Variants in SPTA1 observed in about 807,000 individuals in gnomAD.
The protein encoded by SPTA1 is spectrin alpha, erythrocytic 1, also known as spectrin alpha chain, erythrocytic 1.
A neutral mutation model predicts 324.7 loss-of-function variants in SPTA1; 177 were observed. The observed-to-expected ratio is 0.55, with a 90% CI of 0.48 to 0.62. The LOEUF is 0.62. Among genes scored for constraint, SPTA1 ranks in the 20% least tolerant of loss-of-function variants. The pLI, the probability that SPTA1 is intolerant of heterozygous loss-of-function variation, is 0.00. For synonymous variants in SPTA1, 1,195 were observed against 1,041.3 expected (o/e 1.15, Z -2.84); for missense variants, 3,162 against 2,883.6 (o/e 1.10, Z -2.21).
At chr1:158,681,329 A>G (rs1478289099) in intron 4 of SPTA1, among the ~76,000 whole-genome samples, 198 bp downstream of exon 4, 2 of 152,062 alleles carry the variant, frequency 1.3e-5, no homozygotes, top group Non-Finnish European at 1.5e-5. Flanking sequence ...ATTCAGATCC[A>G]TATGTTAAGA....
intron 18 of SPTA1, among the ~76,000 whole-genome samples, chr1:158,657,902 T>A (rs1652940522): frequency 6.6e-6 from 1 of 152,096 alleles, no homozygotes; most frequent in Non-Finnish European, 1.5e-5. Context: ...ATGCATGTGG[T>A]GGTGAATGGG....
At chr1:158,685,028 A>C (rs1417345950) in intron 2 of SPTA1, 80 bp downstream of exon 2, 3 of 1,551,850 alleles carry the variant, frequency 1.9e-6, no homozygotes, top group Non-Finnish European at 2.7e-6. Context: ...ATACCCATTA[A>C]CATTAACATA....
rs748106330 is a variant in SPTA1, at chr1:158,636,637, C to T, written c.5310+4G>A. The T allele has an allele frequency of 4.3e-6, 7 of 1,613,880 alleles. No individual in the cohort carries two copies. The East Asian group carries it at 1.6e-4, about 36-fold the overall frequency. On this transcript the variant is annotated splice_donor_region_variant and intron_variant, in intron 37 of 51. Coordinates refer to ENST00000643759, the MANE Select transcript of SPTA1 (RefSeq NM_003126.4). ...TATTTTCAGATCTGGTATTCTATTC[C>T]TACCTGGATGGCAGGCTCATGGGCC... is the stretch of plus-strand genomic sequence containing the variant.
intron 44 of SPTA1, 113 bp downstream of exon 44, chr1:158,620,057 T>C: frequency 7.5e-7 from 1 of 1,338,742 alleles, no homozygotes; most frequent in Non-Finnish European, 1.1e-6. Flanking sequence ...ATGACTTCTG[T>C]CCCAGTATAG....
In SPTA1 at chr1:158,671,300, T is replaced by A. The variant is rs1163719023; in HGVS notation, c.1599+43A>T. 2.1e-6 allele frequency: 3 copies of A among 1,428,756 alleles called. No homozygotes were observed. The Admixed American group carries it at 5.1e-5, about 24-fold the overall frequency. 88.5% of individuals were successfully genotyped at this position (1,428,756 alleles called of 1,614,324 possible). A position where few individuals can be genotyped will look rare whatever the true frequency, so the allele number is the denominator to read the frequency against. On this transcript the variant is annotated intron_variant, in intron 12 of 51. Coordinates refer to ENST00000643759, the MANE Select transcript of SPTA1 (RefSeq NM_003126.4). ...GACAGGTATTGTGTAAAATTATGTA[T>A]ACAGAGAGGGAGCCAATGCCCAAAC...
intron 16 of SPTA1, 76 bp downstream of exon 16, chr1:158,666,240 C>T (rs759138749): frequency 1.6e-5 from 23 of 1,439,602 alleles, no homozygotes; most frequent in Non-Finnish European, 2.2e-5. Flanking sequence ...GTAATAATTA[C>T]TTATTACTTA....
intron 25 of SPTA1, among the ~76,000 whole-genome samples, chr1:158,649,107 G>T (rs770522669): frequency 1.2e-4 from 19 of 152,052 alleles, no homozygotes; most frequent in Non-Finnish European, 1.9e-4. Context: ...TTTAGTTTCT[G>T]TTTTGTTTGT....
chr1:158,665,517 T>G (rs1653530650), intron 16 of SPTA1, among the ~76,000 whole-genome samples: 1 of 152,180 alleles, frequency 6.6e-6, no homozygotes, highest in African/African-American at 2.4e-5. Context: ...AGAAATTGAA[T>G]GGGCTGGAAG....
rs766252984 is a variant in SPTA1 at position 158,638,238 on chromosome 1, C to A, written c.4984G>T (p.Ala1662Ser). The A allele has an allele frequency of 4.6e-5, 74 of 1,611,366 alleles. No homozygotes were observed. Among genetic ancestry groups the A allele is most frequent in the Non-Finnish European group, 4.8e-5 (57 of 1,179,832 alleles). Reference protein sequence around the residue: ...LEREMLAREDALKDLNTLAED... With the variant: ...LEREMLAREDSLKDLNTLAED... ...GCCAATGTATTCAGGTCCTTGAGTG[C>A]ATCCTAGAAAGTCTCGGGATACTCA... Residue 1662 changes from alanine to serine, a missense_variant, in exon 36 of 52, where the codon GCA becomes TCA. Ala to Ser is a moderately conservative substitution (Grantham distance 99, BLOSUM62 1). Transcript: ENST00000643759.
At chr1:158,634,749 A>G in intron 38 of SPTA1, 74 bp from the exon 39 acceptor site, 1 of 1,574,326 alleles carries the variant, frequency 6.4e-7, no homozygotes, top group Non-Finnish European at 8.7e-7. Flanking sequence ...GGGGTGGCAC[A>G]ATCTCATTCA....
At chr1:158,633,988 T>A (rs1650876906) in intron 39 of SPTA1, among the ~76,000 whole-genome samples, 1 of 152,172 alleles carries the variant, frequency 6.6e-6, no homozygotes, top group Admixed American at 6.6e-5. Context: ...TGTTTTGTAA[T>A]CACTCTCAAA....
rs563578770 is a variant in SPTA1 at position 158,679,132 on chromosome 1, C to T, written c.679-598G>A. Among the ~76,000 whole-genome samples the T allele has an allele frequency of 2.1e-3, 324 of 151,988 alleles. 1 individual carries two copies. Among genetic ancestry groups the T allele is most frequent in the Admixed American group, 3.2e-3 (49 of 15,240 alleles). Reference sequence around the variant, plus strand: ...CATACTTTGCAATTTTGAGGCATTCCCATATGCCTAAGTCTCCTTACTCTT... The same window carrying T: ...CATACTTTGCAATTTTGAGGCATTCTCATATGCCTAAGTCTCCTTACTCTT... On this transcript the variant is annotated intron_variant, in intron 5 of 51. Coordinates refer to ENST00000643759, the MANE Select transcript of SPTA1 (RefSeq NM_003126.4).
rs780558481 is a variant in SPTA1 at position 158,674,517 on chromosome 1, A to C, written c.1248+23T>G. The C allele has an allele frequency of 5.6e-6, 9 of 1,613,974 alleles. No individual in the cohort carries two copies. In the South Asian group the frequency reaches 9.9e-5, roughly 18 times the overall value. On this transcript the variant is annotated intron_variant, in intron 9 of 51. Transcript: ENST00000643759. ...GCCAAATAACCTGCCCCCTCCTCCTACTGGGCAGCCTTTCTTCTCTACCTT... is the reference window on the plus strand; with the variant it reads ...GCCAAATAACCTGCCCCCTCCTCCTCCTGGGCAGCCTTTCTTCTCTACCTT...
At position 158,659,597 on chromosome 1, in the gene SPTA1, T is replaced by TATTA. The variant is rs1449342226; in HGVS notation, c.2587+1689_2587+1690insTAAT. ...AAGAAAATAATAGTCTTAGCATTAT[T>TATTA]TTTTTTTTTTTTTTTTTTTTTTTTG... On this transcript the variant is annotated intron_variant, in intron 18 of 51. Coordinates refer to ENST00000643759, the MANE Select transcript of SPTA1 (RefSeq NM_003126.4). Among the ~76,000 whole-genome samples the TATTA allele has an allele frequency of 1.4e-4, 8 of 58,666 alleles. No homozygotes were observed. The South Asian group carries it at 3.9e-3, about 29-fold the overall frequency. The allele number at this position is 58,666 out of a possible 152,430, so 38.5% of individuals were successfully genotyped here.
At chr1:158,619,404 G>C in intron 44 of SPTA1, 70 bp from the exon 45 acceptor site, 1 of 1,467,334 alleles carries the variant, frequency 6.8e-7, no homozygotes, top group South Asian at 1.1e-5. Context: ...GAATTGGTTT[G>C]TAGGCTTAAC....
At chr1:158,680,848 T>C (rs1654756493) in intron 4 of SPTA1, 119 bp from the exon 5 acceptor site, 1 of 1,335,132 alleles carries the variant, frequency 7.5e-7, no homozygotes, top group Admixed American at 1.9e-5. Context: ...TGGGGGAGAC[T>C]GGGAGAAGCT....
chr1:158,636,057 G>A (rs1297769059), intron 37 of SPTA1, 23 bp from the exon 38 acceptor site: 2 of 1,613,878 alleles, frequency 1.2e-6, no homozygotes, highest in African/African-American at 2.7e-5. Flanking sequence ...CCCGATACAT[G>A]TTCCATTACC....
chr1:158,634,745 G>A (rs980083523), intron 38 of SPTA1, 70 bp from the exon 39 acceptor site: 16 of 1,582,108 alleles, frequency 1.0e-5, no homozygotes, highest in African/African-American at 2.7e-5. Context: ...CAGTGGGGTG[G>A]CACAATCTCA....
intron 2 of SPTA1, among the ~76,000 whole-genome samples, chr1:158,684,866 G>T (rs937310179): frequency 4.6e-5 from 7 of 152,068 alleles, no homozygotes; most frequent in Non-Finnish European, 1.0e-4. Flanking sequence ...CTGAAAAACT[G>T]CTGCTTTTTG....
Sources: allele counts gnomAD v4.1 joint callset (sites outside exome capture counted in the v4.1 genomes callset), GRCh38; gene constraint gnomAD v4.1.1; transcripts MANE v1.5; gene names NCBI Gene and HGNC (gene_info 2026-07-23, HGNC 2026-07-21).